Variants in PEX7 observed in about 807,000 individuals in gnomAD.
PEX7 encodes the protein PTS2 receptor.
In PEX7, 34 loss-of-function variants were observed where a neutral mutation model predicts 47.5. The observed-to-expected ratio is 0.72, with a 90% CI of 0.54 to 0.95. PEX7 has a LOEUF of 0.95. PEX7 is among the 40% of genes least tolerant of loss of function. PEX7 has a pLI of 0.00. For missense variants in PEX7, 394 were observed against 400.3 expected (o/e 0.98, Z 0.13); for synonymous variants, 141 against 148.8 (o/e 0.95, Z 0.38).
In PEX7 at chr6:136,846,155, T is replaced by C. The variant is rs1214521581; in HGVS notation, c.500T>C (p.Ile167Thr). 6.2e-7 allele frequency: 1 copy of C among 1,612,514 alleles called. No individual in the cohort carries two copies. Among genetic ancestry groups the C allele is most frequent in the African/African-American group, 1.3e-5 (1 of 74,996 alleles). The change falls in exon 5 of 10, where the codon ATC (isoleucine) becomes ACC (threonine). Residue 167 changes from isoleucine to threonine, a missense_variant. Transcript: ENST00000318471. ...TATAGCACAATCTGGTCTCCCCACA[T>C]CCCTGGTTGTTTTGCTTCAGCCTCA... ...IIYSTIWSPH[I>T]PGCFASASGD...
chr6:136,865,150 T>G (rs1357693108), intron 5 of PEX7, among the ~76,000 whole-genome samples: 2 of 152,182 alleles, frequency 1.3e-5, no homozygotes, highest in Admixed American at 6.5e-5. Context: ...GTGTAATCTT[T>G]AAATGTTTTT....
chr6:136,877,146 A>G (rs1195397270), intron 8 of PEX7, among the ~76,000 whole-genome samples: 1 of 150,748 alleles, frequency 6.6e-6, no homozygotes, highest in Non-Finnish European at 1.5e-5. Flanking sequence ...TCTTTTGAGA[A>G]GTGACTGTTC....
intron 3 of PEX7, among the ~76,000 whole-genome samples, chr6:136,837,489 TA>T (rs546531619): frequency 6.6e-6 from 1 of 152,268 alleles, no homozygotes; most frequent in East Asian, 1.9e-4. Context: ...TTTCTCTGTC[TA>T]AAAAAAGTAC....
At chr6:136,890,150 T>C (rs1382071572) in intron 8 of PEX7, among the ~76,000 whole-genome samples, 1 of 152,218 alleles carries the variant, frequency 6.6e-6, no homozygotes, top group African/African-American at 2.4e-5. Flanking sequence ...ACATTGGACT[T>C]AATGGAATGA....
At chr6:136,828,874 C>T (rs1774244103) in intron 3 of PEX7, among the ~76,000 whole-genome samples, 1 of 152,202 alleles carries the variant, frequency 6.6e-6, no homozygotes, top group South Asian at 2.1e-4. Context: ...ATTTGAACTG[C>T]TATTAAACCA....
intron 6 of PEX7, among the ~76,000 whole-genome samples, chr6:136,867,493 G>A (rs1206920380): frequency 1.3e-5 from 2 of 150,280 alleles, no homozygotes; most frequent in African/African-American, 4.9e-5. Context: ...TAAAAAAAGA[G>A]TTTAAAAAGT....
intron 7 of PEX7, chr6:136,870,801 G>T: frequency 2.5e-6 from 1 of 395,028 alleles, no homozygotes; most frequent in South Asian, 1.8e-5. Context: ...GGTTCAAGCT[G>T]TTCTCCTGCC....
rs267608252 is a variant in PEX7 at position 136,822,621 on chromosome 6, C to T, written c.-45C>T. On this transcript the variant is annotated 5_prime_UTR_variant, in exon 1 of 10. It adds an upstream start codon to the 5' untranslated region. Transcript: ENST00000318471. ...GCGCCAGTGTGCCTCCGACTCGGAA[C>T]GGCTTCCGCGGCCGGGGCAGCGAGG... 23 of 1,506,308 alleles carry T rather than the reference C, an allele frequency of 1.5e-5. No individual in the cohort carries two copies. Among genetic ancestry groups the T allele is most frequent in the Non-Finnish European group, 2.0e-5 (22 of 1,124,774 alleles). 93.3% of individuals were successfully genotyped at this position (1,506,308 alleles called of 1,614,324 possible).
intron 5 of PEX7, among the ~76,000 whole-genome samples, chr6:136,857,879 T>C (rs549521828): frequency 1.9e-4 from 29 of 152,312 alleles, no homozygotes; most frequent in African/African-American, 4.8e-4. Context: ...TGGAATGCAG[T>C]GGTGCCATCT....
intron 3 of PEX7, chr6:136,829,897 A>G: frequency 3.0e-6 from 2 of 657,316 alleles, no homozygotes. Context: ...AGTTCGTGCC[A>G]TTGCACTCCA....
At chr6:136,846,253 G>A (rs959814997) in intron 5 of PEX7, 72 bp downstream of exon 5, 53 of 803,712 alleles carry the variant, frequency 6.6e-5, no homozygotes, top group South Asian at 5.3e-4. Context: ...ATTAGGTGGC[G>A]CTGTGTACCT....
intron 9 of PEX7, among the ~76,000 whole-genome samples, chr6:136,911,629 A>G (rs1775934574): frequency 6.6e-6 from 1 of 151,294 alleles, no homozygotes; most frequent in Admixed American, 6.6e-5. Context: ...CTGGTCTCAA[A>G]CTCCTGACCT....
intron 3 of PEX7, among the ~76,000 whole-genome samples, chr6:136,838,111 TAATGA>T (rs1474260745): frequency 1.3e-5 from 2 of 152,210 alleles, no homozygotes; most frequent in African/African-American, 2.4e-5. Context: ...TAGTAGCCCG[TAATGA>T]AATAATGATT....
chr6:136,903,652 A>G (rs1775791767), intron 9 of PEX7, among the ~76,000 whole-genome samples: 1 of 151,580 alleles, frequency 6.6e-6, no homozygotes, highest in African/African-American at 2.4e-5. Context: ...CTTTAGATAT[A>G]TTTTTATTTT....
At chr6:136,829,029 T>TTGGATGCCTTACCAAA (rs1554329418) in intron 3 of PEX7, among the ~76,000 whole-genome samples, 2 of 152,262 alleles carry the variant, frequency 1.3e-5, no homozygotes, top group Non-Finnish European at 2.9e-5. Context: ...TGGTAAGCGT[T>TTGGATGCCTTACCAAA]TGTATCAGGA....
intron 8 of PEX7, among the ~76,000 whole-genome samples, chr6:136,891,810 A>C (rs1414309990): frequency 3.3e-5 from 5 of 152,030 alleles, no homozygotes; most frequent in Non-Finnish European, 7.4e-5. Flanking sequence ...ATGCCTGGCT[A>C]ATTTTTGTAT....
rs372623057 is a variant in PEX7 at position 136,826,443 on chromosome 6, C to G, written c.313C>G (p.Gln105Glu). Reference protein sequence around the residue: ...WDTAKAAGPLQVYKEHAQEVY... With the variant: ...WDTAKAAGPLEVYKEHAQEVY... Reference sequence around the variant, plus strand: ...CACTGCCAAAGCTGCAGGGCCACTGCAAGTCTATAAAGAACACGCTCAGGA... The same window carrying G: ...CACTGCCAAAGCTGCAGGGCCACTGGAAGTCTATAAAGAACACGCTCAGGA... The change falls in exon 3 of 10, where the codon CAA (glutamine) becomes GAA (glutamate). Residue 105 changes from glutamine to glutamate, a missense_variant. Transcript: ENST00000318471. 1 of 1,613,950 alleles carries G rather than the reference C, an allele frequency of 6.2e-7. No individual in the cohort carries two copies.
At position 136,869,910 on chromosome 6, in the gene PEX7, G is replaced by A. The variant is rs1414537422; in HGVS notation, c.654G>A (p.Ala218=). ...TTTAGAATTTGCTGGTGACCGGGGC[G>A]GTTGACTGTAGTTTGAGAGGCTGGG... ...KYNENLLVTG[A]VDCSLRGWDL... is the part of the protein sequence containing the mutation. The change falls in exon 7 of 10, where the codon GCG becomes GCA. Residue 218 remains alanine (A), a synonymous_variant. Coordinates refer to ENST00000318471, the MANE Select transcript of PEX7 (RefSeq NM_000288.4). 1.2e-6 allele frequency: 2 copies of A among 1,613,910 alleles called. No individual in the cohort carries two copies. The highest frequency in any genetic ancestry group is 1.1e-5 in the South Asian group (1 of 91,076).
intron 9 of PEX7, among the ~76,000 whole-genome samples, chr6:136,908,594 T>C (rs1371145773): frequency 2.0e-5 from 3 of 152,114 alleles, no homozygotes; most frequent in African/African-American, 7.2e-5. Context: ...TTGTGTATCC[T>C]TGGGCGGAAG....
Sources: allele counts gnomAD v4.1 joint callset (sites outside exome capture counted in the v4.1 genomes callset), GRCh38; gene constraint gnomAD v4.1.1; transcripts MANE v1.5; gene names NCBI Gene and HGNC (gene_info 2026-07-23, HGNC 2026-07-21).